DCPH1: variants seen among roughly 807,000 people sequenced by gnomAD.
DCPH1 encodes damage-control phosphatase 1.
chr6:151,456,477 C>A, the DCPH1 span, among the ~76,000 whole-genome samples: 2 of 152,076 alleles, frequency 1.3e-5, no homozygotes, highest in African/African-American at 4.8e-5. Flanking sequence ...TGCTAAAATC[C>A]GGCTTAATTT....
chr6:151,468,265 C>A, the DCPH1 span: 3 of 913,334 alleles, frequency 3.3e-6, no homozygotes, highest in Admixed American at 2.6e-5. Flanking sequence ...TTAGCAATGT[C>A]CCCCCATCCC....
At chr6:151,464,683 T>A in the DCPH1 span, 1 of 1,005,884 alleles carries the variant, frequency 9.9e-7, no homozygotes, top group African/African-American at 1.7e-5. Context: ...GCTATACAGT[T>A]AACAAAACAT....
the DCPH1 span, among the ~76,000 whole-genome samples, chr6:151,459,754 C>T: frequency 6.6e-6 from 1 of 152,136 alleles, no homozygotes; most frequent in Non-Finnish European, 1.5e-5. Context: ...TACACCACCG[C>T]ACTCCAGCCT....
chr6:151,467,810 C>G, the DCPH1 span, among the ~76,000 whole-genome samples: 3 of 152,062 alleles, frequency 2.0e-5, no homozygotes, highest in Non-Finnish European at 2.9e-5. Context: ...TTAACATGAC[C>G]TTGTTTAAAA....
chr6:151,458,658 C>A, the DCPH1 span: 1 of 1,160,820 alleles, frequency 8.6e-7, no homozygotes, highest in South Asian at 1.6e-5. Flanking sequence ...AAAATAAGCA[C>A]CAGTGGAAGC....
the DCPH1 span, chr6:151,458,330 A>G: frequency 6.2e-7 from 1 of 1,608,264 alleles, no homozygotes; most frequent in Non-Finnish European, 8.5e-7. Flanking sequence ...TTTTGCAGGA[A>G]GGCGTGGAAG....
the DCPH1 span, chr6:151,452,658 G>A: frequency 3.5e-6 from 5 of 1,446,326 alleles, no homozygotes; most frequent in Non-Finnish European, 4.7e-6. Context: ...GGGACTAAGC[G>A]GAGGGCGCCC....
At chr6:151,460,141 G>A in the DCPH1 span, among the ~76,000 whole-genome samples, 1 of 152,004 alleles carries the variant, frequency 6.6e-6, no homozygotes, top group Admixed American at 6.5e-5. Flanking sequence ...GTACAGTGGC[G>A]CGATCTTGGC....
the DCPH1 span, chr6:151,468,978 T>C: frequency 2.1e-4 from 342 of 1,614,108 alleles, no homozygotes; most frequent in Non-Finnish European, 2.5e-4. Context: ...CACCACTCTG[T>C]ACCATAAGAA....
chr6:151,464,516 G>A, the DCPH1 span: 1 of 1,610,820 alleles, frequency 6.2e-7, no homozygotes, highest in East Asian at 2.2e-5. Context: ...ATGGGTCACA[G>A]GAATCCATCA....
chr6:151,458,093 C>G, the DCPH1 span, among the ~76,000 whole-genome samples: 7 of 151,880 alleles, frequency 4.6e-5, 1 homozygote, highest in South Asian at 1.5e-3. Flanking sequence ...AATGGTCATC[C>G]CACCGAAGAT....
chr6:151,458,849 A>G, the DCPH1 span, among the ~76,000 whole-genome samples: 1 of 152,218 alleles, frequency 6.6e-6, no homozygotes, highest in East Asian at 1.9e-4. Context: ...TATCTAAAGT[A>G]CGAATTGGCC....
chr6:151,456,396 T>C, the DCPH1 span, among the ~76,000 whole-genome samples: 3 of 152,230 alleles, frequency 2.0e-5, no homozygotes, highest in African/African-American at 7.2e-5. Context: ...TCTACTTCTT[T>C]CAACTTCTTT....
the DCPH1 span, among the ~76,000 whole-genome samples, chr6:151,456,845 C>T: frequency 3.9e-5 from 6 of 152,130 alleles, no homozygotes; most frequent in Admixed American, 2.0e-4. Context: ...TCAGTTTTTT[C>T]GGCCAGAGTG....
chr6:151,464,452 G>T, the DCPH1 span: 5 of 1,598,480 alleles, frequency 3.1e-6, no homozygotes, highest in Non-Finnish European at 4.3e-6. Flanking sequence ...TCCTACTTTA[G>T]TCCACCAATC....
the DCPH1 span, among the ~76,000 whole-genome samples, chr6:151,453,012 T>C: frequency 6.6e-6 from 1 of 152,378 alleles, no homozygotes; most frequent in East Asian, 1.9e-4. Flanking sequence ...GTCGTCACGC[T>C]ACTGATTCTT....
the DCPH1 span, among the ~76,000 whole-genome samples, chr6:151,458,062 G>A: frequency 2.6e-5 from 4 of 152,194 alleles, no homozygotes; most frequent in Non-Finnish European, 5.9e-5. Flanking sequence ...AATCTGGCAG[G>A]GGTTCCTTTC....
the DCPH1 span, chr6:151,468,587 T>C: frequency 2.5e-6 from 4 of 1,614,066 alleles, no homozygotes; most frequent in Non-Finnish European, 3.4e-6. Context: ...TTAGCCGACT[T>C]CTTGTTGTCC....
chr6:151,464,395 C>G, the DCPH1 span: 1 of 1,227,326 alleles, frequency 8.1e-7, no homozygotes, highest in Non-Finnish European at 1.2e-6. Context: ...CTTTCAAGAA[C>G]TGCAGTTATC....
Sources: gnomAD v4.1 joint callset for allele counts (sites outside exome capture counted in the v4.1 genomes callset) on GRCh38, gnomAD v4.1.1 for gene constraint, MANE v1.5 for transcripts, NCBI Gene and HGNC (gene_info 2026-07-23, HGNC 2026-07-21) for gene names.